The following MAF variants were observed in gnomAD, a reference collection of about 807,000 sequenced individuals.
The protein encoded by MAF is MAF bZIP transcription factor.
Under a neutral mutation model 22.0 loss-of-function variants are expected in MAF, and 10 were observed. The observed-to-expected ratio is 0.45, with a 90% CI of 0.28 to 0.77. MAF has a LOEUF of 0.77. MAF is among the 30% of genes least tolerant of loss of function. MAF has a pLI of 0.12. For synonymous variants in MAF, 337 were observed against 255.8 expected, an observed-to-expected ratio of 1.32 and a Z score of -3.03; for missense variants, 544 against 548.4, an observed-to-expected ratio of 0.99 and a Z score of 0.08.
the MAF span, among the ~76,000 whole-genome samples, chr16:79,484,039 C>A: frequency 1.1e-3 from 170 of 152,232 alleles, 2 homozygotes; most frequent in African/African-American, 3.8e-3. Context: ...TGATAGCAAC[C>A]AGCAGGTGCC....
chr16:79,278,549 C>T, the MAF span, among the ~76,000 whole-genome samples: 2 of 152,222 alleles, frequency 1.3e-5, no homozygotes, highest in Non-Finnish European at 2.9e-5. Flanking sequence ...AGGCCCTTGA[C>T]TTTCAAAGTG....
chr16:79,223,634 G>A, the MAF span, among the ~76,000 whole-genome samples: 2 of 152,158 alleles, frequency 1.3e-5, no homozygotes, highest in African/African-American at 2.4e-5. Flanking sequence ...AAGAAGAAAA[G>A]AGGGAAGAAT....
the MAF span, among the ~76,000 whole-genome samples, chr16:79,547,894 G>C: frequency 1.4e-5 from 2 of 140,598 alleles, no homozygotes; most frequent in East Asian, 4.2e-4. Flanking sequence ...GTGTGTGTGT[G>C]TGTGTGTGAG....
At chr16:79,250,556 A>C in the MAF span, among the ~76,000 whole-genome samples, 11 of 152,148 alleles carry the variant, frequency 7.2e-5, no homozygotes, top group Non-Finnish European at 1.6e-4. Context: ...TTTCCCAGGT[A>C]AGAATCAGTC....
chr16:79,380,053 G>A, the MAF span, among the ~76,000 whole-genome samples: 1 of 152,128 alleles, frequency 6.6e-6, no homozygotes. Context: ...CAAACAACAG[G>A]TTTGGCATGG....
the MAF span, among the ~76,000 whole-genome samples, chr16:79,338,885 G>A: frequency 6.6e-6 from 1 of 152,082 alleles, no homozygotes; most frequent in East Asian, 1.9e-4. Context: ...TGGCTAGCTG[G>A]CCACCAAAGC....
the MAF span, among the ~76,000 whole-genome samples, chr16:79,428,383 C>T: frequency 1.6e-4 from 25 of 152,288 alleles, no homozygotes; most frequent in African/African-American, 4.8e-4. Context: ...TAGCTGACCC[C>T]CACCTCAACA....
the MAF span, among the ~76,000 whole-genome samples, chr16:79,211,291 C>CATCTT: frequency 6.6e-6 from 1 of 152,088 alleles, no homozygotes; most frequent in Non-Finnish European, 1.5e-5. Context: ...AGAAGGATAC[C>CATCTT]ATCTTTTTCT....
At chr16:79,567,999 G>T in the MAF span, among the ~76,000 whole-genome samples, 1 of 152,154 alleles carries the variant, frequency 6.6e-6, no homozygotes, top group African/African-American at 2.4e-5. Context: ...ATTTATTACA[G>T]AATGATAATC....
the MAF span, among the ~76,000 whole-genome samples, chr16:79,476,670 G>A: frequency 2.6e-5 from 4 of 152,268 alleles, no homozygotes; most frequent in African/African-American, 9.6e-5. Flanking sequence ...GGAGCATCTG[G>A]ATATTCAAAG....
the MAF span, among the ~76,000 whole-genome samples, chr16:79,255,393 C>A: frequency 3.7e-4 from 56 of 152,320 alleles, no homozygotes; most frequent in Non-Finnish European, 6.0e-4. Flanking sequence ...GAGACAGCTA[C>A]CTCCTGTGTC....
chr16:79,299,488 C>T, the MAF span, among the ~76,000 whole-genome samples: 3 of 152,058 alleles, frequency 2.0e-5, no homozygotes, highest in Admixed American at 6.5e-5. Flanking sequence ...TGCAGACAAG[C>T]GGGTGGCCGG....
At chr16:79,482,802 G>C in the MAF span, among the ~76,000 whole-genome samples, 1 of 150,662 alleles carries the variant, frequency 6.6e-6, no homozygotes, top group African/African-American at 2.5e-5. Context: ...TCTTGCAGCA[G>C]ATGCCAGACT....
chr16:79,300,332 G>A, the MAF span, among the ~76,000 whole-genome samples: 3 of 152,248 alleles, frequency 2.0e-5, no homozygotes, highest in African/African-American at 7.2e-5. Flanking sequence ...CGAGCCAGGT[G>A]GATCACCAGG....
the MAF span, among the ~76,000 whole-genome samples, chr16:79,214,445 G>A: frequency 1.3e-4 from 20 of 152,012 alleles, no homozygotes; most frequent in Admixed American, 5.9e-4. Flanking sequence ...TACCACTGTC[G>A]CCCGGGCTGC....
At chr16:79,468,543 G>C in the MAF span, among the ~76,000 whole-genome samples, 1 of 152,224 alleles carries the variant, frequency 6.6e-6, no homozygotes, top group Non-Finnish European at 1.5e-5. Context: ...TGCTGTCCCA[G>C]AAACAGGTCT....
chr16:79,250,994 G>A, the MAF span, among the ~76,000 whole-genome samples: 8 of 152,166 alleles, frequency 5.3e-5, no homozygotes, highest in African/African-American at 1.7e-4. Context: ...ACAGTGAGTT[G>A]TTAAGTGCTT....
the MAF span, among the ~76,000 whole-genome samples, chr16:79,508,305 G>A: frequency 6.6e-6 from 1 of 152,136 alleles, no homozygotes; most frequent in African/African-American, 2.4e-5. Context: ...TGGCCAATGG[G>A]GAGTGTTCGC....
At chr16:79,311,122 A>C in the MAF span, among the ~76,000 whole-genome samples, 16,642 of 149,776 alleles carry the variant, frequency 0.11, 1,050 homozygotes, top group East Asian at 0.28. Flanking sequence ...CTGGATTTCT[A>C]CCTGGGTTCC....
Sources: gnomAD v4.1 joint callset for allele counts (sites outside exome capture counted in the v4.1 genomes callset) on GRCh38, gnomAD v4.1.1 for gene constraint, MANE v1.5 for transcripts, NCBI Gene and HGNC (gene_info 2026-07-23, HGNC 2026-07-21) for gene names.